HSDL2: variants seen among roughly 807,000 people sequenced by gnomAD.
The protein encoded by HSDL2 is hydroxysteroid dehydrogenase-like protein 2.
Under a neutral mutation model 46.3 loss-of-function variants are expected in HSDL2, and 27 were observed. The observed-to-expected ratio is 0.58, with a 90% CI of 0.43 to 0.80. The LOEUF (loss-of-function observed/expected upper bound fraction) is 0.80. HSDL2 is among the 30% of genes least tolerant of loss of function. HSDL2 has a pLI of 0.00. For synonymous variants in HSDL2, 153 were observed against 163.6 expected, an observed-to-expected ratio of 0.94 and a Z score of 0.50; for missense variants, 451 against 502.7, an observed-to-expected ratio of 0.90 and a Z score of 0.98.
intron 6 of HSDL2, among the ~76,000 whole-genome samples, chr9:112,430,835 C>T (rs1832371861): frequency 1.3e-5 from 2 of 151,880 alleles, no homozygotes; most frequent in Non-Finnish European, 2.9e-5. Context: ...GGTGAATCAC[C>T]TGAGGTCAAG....
At chr9:112,402,958 C>A (rs12554001) in intron 1 of HSDL2, among the ~76,000 whole-genome samples, 69,982 of 150,952 alleles carry the variant, frequency 0.46, 16,473 homozygotes, top group Admixed American at 0.54. Flanking sequence ...GAAAAAAAAA[C>A]ACACACACAC....
intron 4 of HSDL2, 115 bp downstream of exon 4, chr9:112,409,136 C>T: frequency 1.8e-6 from 1 of 554,812 alleles, no homozygotes; most frequent in Non-Finnish European, 3.3e-6. Context: ...CTAGTCAATC[C>T]TTATAAGGGT....
intron 8 of HSDL2, among the ~76,000 whole-genome samples, chr9:112,448,858 T>C (rs940076888): frequency 6.6e-6 from 1 of 152,092 alleles, no homozygotes; most frequent in African/African-American, 2.4e-5. Flanking sequence ...ACCCAGCCTC[T>C]CTCTGTGTTC....
At chr9:112,380,251 GA>G in intron 1 of HSDL2, 71 bp downstream of exon 1, 1 of 1,452,766 alleles carries the variant, frequency 6.9e-7, no homozygotes, top group African/African-American at 1.6e-5. Context: ...GGCCGCCGCG[GA>G]TCGCCCGGGC....
In HSDL2 at chr9:112,470,588, A is replaced by G; in HGVS notation, c.*44A>G. 5.8e-6 allele frequency: 6 copies of G among 1,036,994 alleles called. No individual in the cohort carries two copies. The highest frequency in any genetic ancestry group is 8.7e-6 in the Non-Finnish European group (6 of 690,464). 64.2% of individuals were successfully genotyped at this position (1,036,994 alleles called of 1,614,324 possible). A position where few individuals can be genotyped will look rare whatever the true frequency, so the allele number is the denominator to read the frequency against. ...AGTCGACTGCTATGCTCAAAAAGTAAAAAAAGCTCAACAGTTAAAATCTAA... is the reference window on the plus strand; with the variant it reads ...AGTCGACTGCTATGCTCAAAAAGTAGAAAAAGCTCAACAGTTAAAATCTAA... On this transcript the variant is annotated 3_prime_UTR_variant, in exon 11 of 11. Coordinates refer to ENST00000398805, the MANE Select transcript of HSDL2 (RefSeq NM_032303.5).
chr9:112,422,177 A>G (rs1368580895), intron 6 of HSDL2, among the ~76,000 whole-genome samples: 7 of 152,170 alleles, frequency 4.6e-5, no homozygotes, highest in Non-Finnish European at 1.0e-4. Context: ...CATCATTTAA[A>G]CTATCCCGGG....
At chr9:112,417,008 G>T in intron 5 of HSDL2, 64 bp downstream of exon 5, 2 of 701,512 alleles carry the variant, frequency 2.9e-6, no homozygotes, top group Non-Finnish European at 2.5e-6. Flanking sequence ...TTAAATCTGT[G>T]TATGTCTGAT....
chr9:112,443,276 A>G (rs1489064063), intron 8 of HSDL2, among the ~76,000 whole-genome samples: 1 of 152,202 alleles, frequency 6.6e-6, no homozygotes, highest in Non-Finnish European at 1.5e-5. Flanking sequence ...TGTTTATTCA[A>G]CAAATATTTA....
At chr9:112,462,140 G>C (rs7871748) in intron 10 of HSDL2, among the ~76,000 whole-genome samples, 145,491 of 152,312 alleles carry the variant, frequency 0.96, 69,549 homozygotes, top group African/African-American at 0.98. Flanking sequence ...CCATTTCTAT[G>C]CCTAATTTAT....
chr9:112,466,318 C>T (rs1479301609), intron 10 of HSDL2, among the ~76,000 whole-genome samples: 1 of 152,034 alleles, frequency 6.6e-6, no homozygotes, highest in East Asian at 1.9e-4. Flanking sequence ...TTTGGGAGGC[C>T]GAGGCGGGCA....
At chr9:112,389,071 A>T (rs1432348014) in intron 1 of HSDL2, among the ~76,000 whole-genome samples, 1 of 151,316 alleles carries the variant, frequency 6.6e-6, no homozygotes, top group Non-Finnish European at 1.5e-5. Flanking sequence ...TCTGTTTCCC[A>T]GGCTAGAGTA....
At chr9:112,449,585 C>T (rs1368928792) in intron 8 of HSDL2, among the ~76,000 whole-genome samples, 1 of 151,758 alleles carries the variant, frequency 6.6e-6, no homozygotes, top group Non-Finnish European at 1.5e-5. Flanking sequence ...CATTTTAGGC[C>T]GGGTGCGGTG....
At chr9:112,448,435 T>C (rs1231896009) in intron 8 of HSDL2, among the ~76,000 whole-genome samples, 1 of 152,236 alleles carries the variant, frequency 6.6e-6, no homozygotes, top group Admixed American at 6.5e-5. Flanking sequence ...GATTGGTATC[T>C]ATTTTTAGTG....
intron 1 of HSDL2, among the ~76,000 whole-genome samples, chr9:112,395,290 G>A (rs952559920): frequency 1.4e-4 from 21 of 152,144 alleles, no homozygotes; most frequent in Admixed American, 1.2e-3. Context: ...AGTCTCTGAC[G>A]CGGACATCTC....
intron 3 of HSDL2, among the ~76,000 whole-genome samples, chr9:112,406,617 C>T (rs1831736486): frequency 6.6e-6 from 1 of 151,852 alleles, no homozygotes; most frequent in Admixed American, 6.6e-5. Flanking sequence ...ATTACAGGCG[C>T]CTGCCACCAT....
At chr9:112,404,277 T>G in intron 2 of HSDL2, 119 bp downstream of exon 2, 1 of 947,286 alleles carries the variant, frequency 1.1e-6, no homozygotes, top group Non-Finnish European at 1.6e-6. Context: ...TTTTATCTAG[T>G]GAAAGAAGTA....
intron 1 of HSDL2, among the ~76,000 whole-genome samples, chr9:112,390,605 A>T (rs1831319945): frequency 6.6e-6 from 1 of 151,856 alleles, no homozygotes; most frequent in Non-Finnish European, 1.5e-5. Context: ...GGTGCACACC[A>T]ATACACTGGG....
chr9:112,380,953 G>T (rs150973984), intron 1 of HSDL2, among the ~76,000 whole-genome samples: 330 of 152,276 alleles, frequency 2.2e-3, no homozygotes, highest in African/African-American at 7.6e-3. Context: ...AAACATGCAG[G>T]CATATAGCCA....
Position 112,458,285 on chromosome 9 carries a change from G to A in HSDL2, c.1016-1164G>A, listed in dbSNP as rs143705420. On this transcript the variant is annotated intron_variant, in intron 9 of 10. Transcript: ENST00000398805. ...CTTTTTGAAAACTTAATTTTGCATCGCAGTAAAAAATACATAACATTTTAA... is the reference window on the plus strand; with the variant it reads ...CTTTTTGAAAACTTAATTTTGCATCACAGTAAAAAATACATAACATTTTAA... Among the ~76,000 whole-genome samples the A allele has an allele frequency of 2.3e-4, 34 of 149,996 alleles. No homozygotes were observed. In the East Asian group the frequency reaches 4.9e-3, roughly 22 times the overall value.
Sources: gnomAD v4.1 joint callset for allele counts (sites outside exome capture counted in the v4.1 genomes callset) on GRCh38, gnomAD v4.1.1 for gene constraint, MANE v1.5 for transcripts, NCBI Gene and HGNC (gene_info 2026-07-23, HGNC 2026-07-21) for gene names.